Variants in PTPRN2 observed in about 807,000 individuals in gnomAD.
PTPRN2 encodes receptor-type tyrosine-protein phosphatase N2.
A neutral mutation model predicts 118.8 loss-of-function variants in PTPRN2; 74 were observed. That is an observed-to-expected ratio of 0.62 (90% CI 0.52 to 0.76). PTPRN2 has a LOEUF of 0.76. Ranked by LOEUF, PTPRN2 falls within the 30% of genes least tolerant of loss-of-function variation. PTPRN2 has a pLI of 0.00. For synonymous variants in PTPRN2, 641 were observed against 608.0 expected (o/e 1.05, Z -0.80); for missense variants, 1,481 against 1,394.4 (o/e 1.06, Z -0.99).
chr7:158,011,611 T>C (rs775867705), intron 11 of PTPRN2, among the ~76,000 whole-genome samples: 8 of 152,348 alleles, frequency 5.3e-5, no homozygotes, highest in Middle Eastern at 3.4e-3. Flanking sequence ...TATAAAATTA[T>C]ATAACACTGA....
chr7:158,482,952 G>A (rs1280129230), intron 2 of PTPRN2, among the ~76,000 whole-genome samples: 2 of 152,176 alleles, frequency 1.3e-5, no homozygotes, highest in Middle Eastern at 3.2e-3. Flanking sequence ...CAGGTCATAA[G>A]ACCCTCATTC....
chr7:158,134,846 C>G (rs1028441323), intron 8 of PTPRN2, among the ~76,000 whole-genome samples: 1 of 152,090 alleles, frequency 6.6e-6, no homozygotes, highest in Non-Finnish European at 1.5e-5. Context: ...GTGAGTTTCA[C>G]CTTTAATTTG....
intron 10 of PTPRN2, among the ~76,000 whole-genome samples, chr7:158,099,985 A>G (rs1236227802): frequency 1.3e-5 from 2 of 150,894 alleles, no homozygotes; most frequent in East Asian, 4.0e-4. Context: ...GTTGAGTTAC[A>G]TGAGTAAGTT....
intron 1 of PTPRN2, among the ~76,000 whole-genome samples, chr7:158,557,570 C>T (rs545288307): frequency 1.3e-5 from 2 of 152,238 alleles, no homozygotes; most frequent in Admixed American, 6.5e-5. Flanking sequence ...TGGCTGTGCT[C>T]GGGTGTGTTT....
At chr7:157,673,646 G>GC (rs1796519303) in intron 13 of PTPRN2, among the ~76,000 whole-genome samples, 1 of 143,236 alleles carries the variant, frequency 7.0e-6, no homozygotes, top group African/African-American at 2.5e-5. Flanking sequence ...CCCCACAGAG[G>GC]CCCCCTCTGT....
chr7:157,581,520 A>C (rs546784719), intron 17 of PTPRN2, among the ~76,000 whole-genome samples: 2 of 152,340 alleles, frequency 1.3e-5, no homozygotes, highest in African/African-American at 4.8e-5. Flanking sequence ...TGTGAACCTG[A>C]GCCATCTCGA....
At chr7:158,291,731 T>C (rs193061894) in intron 3 of PTPRN2, among the ~76,000 whole-genome samples, 12 of 152,336 alleles carry the variant, frequency 7.9e-5, no homozygotes, top group Admixed American at 2.6e-4. Context: ...TTCCTGCACT[T>C]TGTAACTCGA....
At chr7:158,391,658 G>A (rs1811939064) in intron 2 of PTPRN2, among the ~76,000 whole-genome samples, 1 of 152,178 alleles carries the variant, frequency 6.6e-6, no homozygotes, top group African/African-American at 2.4e-5. Context: ...CCCCTGCCAG[G>A]ACATAGAGCA....
chr7:158,478,453 G>A (rs1319842403), intron 2 of PTPRN2, among the ~76,000 whole-genome samples: 19 of 152,206 alleles, frequency 1.2e-4, no homozygotes, highest in Non-Finnish European at 1.8e-4. Context: ...CGTCGGTAAC[G>A]AATGAGGAGG....
intron 14 of PTPRN2, among the ~76,000 whole-genome samples, chr7:157,626,892 C>T (rs1401442404): frequency 1.3e-5 from 2 of 152,194 alleles, no homozygotes; most frequent in South Asian, 2.1e-4. Flanking sequence ...CTATACATGA[C>T]CTTGCTGCCA....
At chr7:157,873,956 C>CG (rs1795553682) in intron 12 of PTPRN2, among the ~76,000 whole-genome samples, 1 of 152,170 alleles carries the variant, frequency 6.6e-6, no homozygotes, top group Non-Finnish European at 1.5e-5. Context: ...CTGACTTTGA[C>CG]GGCTCTAGGT....
intron 11 of PTPRN2, among the ~76,000 whole-genome samples, chr7:157,906,327 T>C (rs946117909): frequency 2.0e-5 from 3 of 152,226 alleles, no homozygotes; most frequent in African/African-American, 7.2e-5. Flanking sequence ...CGAGCTGCCG[T>C]GTCGCCGACT....
chr7:158,491,304 G>A (rs2129445548), intron 1 of PTPRN2, among the ~76,000 whole-genome samples: 1 of 152,286 alleles, frequency 6.6e-6, no homozygotes, highest in East Asian at 1.9e-4. Context: ...CCCAGGAGGT[G>A]GCCTAGGTGC....
At chr7:158,129,057 C>T (rs2150415675) in intron 9 of PTPRN2, among the ~76,000 whole-genome samples, 1 of 148,360 alleles carries the variant, frequency 6.7e-6, no homozygotes, top group South Asian at 2.1e-4. Flanking sequence ...GTGCACCATG[C>T]ACACACACCA....
chr7:157,999,782 T>A (rs561476848), intron 11 of PTPRN2, among the ~76,000 whole-genome samples: 2 of 152,260 alleles, frequency 1.3e-5, no homozygotes, highest in South Asian at 4.2e-4. Context: ...CACTCAAAGG[T>A]GGGGTGCAGA....
At chr7:158,164,287 G>A (rs771525268) in intron 6 of PTPRN2, among the ~76,000 whole-genome samples, 9 of 151,088 alleles carry the variant, frequency 6.0e-5, no homozygotes, top group African/African-American at 1.5e-4. Context: ...GAGCGCGTGC[G>A]TAGGAAGGGC....
At chr7:157,829,017 C>A (rs1807372753) in intron 12 of PTPRN2, among the ~76,000 whole-genome samples, 3 of 152,264 alleles carry the variant, frequency 2.0e-5, no homozygotes, top group Non-Finnish European at 4.4e-5. Context: ...AAACCAAACA[C>A]AATTTGAATT....
chr7:158,190,246 C>A (rs1473114408), intron 5 of PTPRN2, among the ~76,000 whole-genome samples: 1 of 152,146 alleles, frequency 6.6e-6, no homozygotes, highest in Non-Finnish European at 1.5e-5. Flanking sequence ...CCCCCTGGCC[C>A]CAGAGCAGTG....
At chr7:158,179,651 T>G (rs1824521936) in intron 5 of PTPRN2, among the ~76,000 whole-genome samples, 1 of 152,180 alleles carries the variant, frequency 6.6e-6, no homozygotes, top group South Asian at 2.1e-4. Context: ...CATCTTGAGT[T>G]GATTTTTGTA....
Sources: gnomAD v4.1 joint callset for allele counts (sites outside exome capture counted in the v4.1 genomes callset) on GRCh38, gnomAD v4.1.1 for gene constraint, MANE v1.5 for transcripts, NCBI Gene and HGNC (gene_info 2026-07-23, HGNC 2026-07-21) for gene names.